The following CLSTN2 variants were observed in gnomAD, a reference collection of about 807,000 sequenced individuals.
CLSTN2 encodes the protein calsyntenin 2.
A neutral mutation model predicts 101.2 loss-of-function variants in CLSTN2; 48 were observed. The ratio of observed to expected loss-of-function variants is 0.47; its 90% confidence interval spans 0.38 to 0.60. CLSTN2 has a LOEUF of 0.60. Among genes scored for constraint, CLSTN2 ranks in the 20% least tolerant of loss-of-function variants. The pLI is 0.00. For missense variants in CLSTN2, 1,160 were observed against 1,238.2 expected (o/e 0.94, Z 0.95); for synonymous variants, 481 against 463.6 (o/e 1.04, Z -0.48).
chr3:140,120,553 G>C (rs966418309), intron 1 of CLSTN2, among the ~76,000 whole-genome samples: 1 of 152,190 alleles, frequency 6.6e-6, no homozygotes, highest in Non-Finnish European at 1.5e-5. Flanking sequence ...CCCCTCCCCA[G>C]AGGTTGGGGA....
intron 2 of CLSTN2, among the ~76,000 whole-genome samples, chr3:140,363,218 T>C (rs1280387899): frequency 6.6e-6 from 1 of 152,020 alleles, no homozygotes; most frequent in Admixed American, 6.6e-5. Context: ...ATAAAAGAAG[T>C]TAATCACAGT....
At chr3:140,280,216 G>C (rs975330765) in intron 2 of CLSTN2, among the ~76,000 whole-genome samples, 32 of 152,268 alleles carry the variant, frequency 2.1e-4, no homozygotes, top group African/African-American at 7.5e-4. Flanking sequence ...AATAATATGT[G>C]TGCAAAAAGA....
chr3:140,258,034 T>C (rs2086618541), intron 2 of CLSTN2, among the ~76,000 whole-genome samples: 1 of 152,214 alleles, frequency 6.6e-6, no homozygotes, highest in Admixed American at 6.5e-5. Flanking sequence ...TATTATTTTT[T>C]CTATCTTGGT....
At chr3:140,256,307 A>G (rs2086603682) in intron 2 of CLSTN2, among the ~76,000 whole-genome samples, 1 of 152,182 alleles carries the variant, frequency 6.6e-6, no homozygotes, top group African/African-American at 2.4e-5. Flanking sequence ...ACACTGCCCC[A>G]AAAAGCAACC....
At chr3:140,485,166 C>T (rs897512500) in intron 8 of CLSTN2, among the ~76,000 whole-genome samples, 6 of 152,194 alleles carry the variant, frequency 3.9e-5, no homozygotes, top group African/African-American at 1.4e-4. Context: ...GTTAGTTTTC[C>T]TTCTAACAGT....
chr3:140,219,075 C>T (rs2086236532), intron 2 of CLSTN2, among the ~76,000 whole-genome samples: 1 of 151,968 alleles, frequency 6.6e-6, no homozygotes, highest in African/African-American at 2.4e-5. Flanking sequence ...ACGCCCTGGT[C>T]CATTTGGGAG....
chr3:140,433,655 T>A (rs1482222815), intron 5 of CLSTN2, among the ~76,000 whole-genome samples: 1 of 152,206 alleles, frequency 6.6e-6, no homozygotes, highest in Non-Finnish European at 1.5e-5. Context: ...AGTGAACCTC[T>A]CAGAACCCTC....
intron 6 of CLSTN2, among the ~76,000 whole-genome samples, chr3:140,456,827 G>A (rs549878648): frequency 6.6e-6 from 1 of 151,816 alleles, no homozygotes; most frequent in South Asian, 2.1e-4. Context: ...AATAAATAAG[G>A]TTACATAAAT....
At chr3:140,076,410 C>A (rs1277563383) in intron 1 of CLSTN2, among the ~76,000 whole-genome samples, 1 of 152,116 alleles carries the variant, frequency 6.6e-6, no homozygotes, top group Non-Finnish European at 1.5e-5. Flanking sequence ...AAACTCCAGG[C>A]TCTGCTCATT....
At chr3:140,557,602 AGAG>A (rs954883175) in intron 11 of CLSTN2, among the ~76,000 whole-genome samples, 7 of 152,152 alleles carry the variant, frequency 4.6e-5, no homozygotes, top group African/African-American at 1.4e-4. Flanking sequence ...AAAACTGGGA[AGAG>A]GAGGAGGCCA....
chr3:140,013,767 T>C (rs2007137790), intron 1 of CLSTN2, among the ~76,000 whole-genome samples: 3 of 151,916 alleles, frequency 2.0e-5, no homozygotes, highest in African/African-American at 4.8e-5. Context: ...AATGTACTAG[T>C]TGAATATATA....
At chr3:140,399,839 G>A (rs1323589947) in intron 2 of CLSTN2, among the ~76,000 whole-genome samples, 2 of 152,020 alleles carry the variant, frequency 1.3e-5, no homozygotes, top group Admixed American at 6.6e-5. Context: ...TACCCAATAG[G>A]TAGTTTTCCT....
rs553144359 is a variant in CLSTN2, at chr3:140,566,933, G to A, written c.*680G>A. The A allele has an allele frequency of 6.6e-6, 1 of 152,530 alleles. No homozygotes were observed. Among genetic ancestry groups the A allele is most frequent in the South Asian group, 2.1e-4 (1 of 4,812 alleles). The allele number at this position is 152,530 out of a possible 1,614,324, so 9.4% of individuals were successfully genotyped here. A position where few individuals can be genotyped will look rare whatever the true frequency, so the allele number is the denominator to read the frequency against. ...AGAATAGGTCCTTGGCCACAAGCAG[G>A]GTCTGATCCCCCATCAGAGCTATCT... is the stretch of plus-strand genomic sequence containing the variant. On this transcript the variant is annotated 3_prime_UTR_variant, in exon 17 of 17. Coordinates refer to ENST00000458420, the MANE Select transcript of CLSTN2 (RefSeq NM_022131.3).
chr3:140,341,623 C>T lies in CLSTN2; in HGVS notation c.233-62006C>T, dbSNP rs185747918. Among the ~76,000 whole-genome samples, 1,263 of 152,306 alleles carry T rather than the reference C, an allele frequency of 8.3e-3. 8 individuals are homozygous for T. Among genetic ancestry groups the T allele is most frequent in the Non-Finnish European group, 0.012 (813 of 68,026 alleles). Reference sequence around the variant, plus strand: ...AGTTTGGAGGACAGTCGGCTTACACCTTCTTCCACTCAAAACACAGCACCC... The same window carrying T: ...AGTTTGGAGGACAGTCGGCTTACACTTTCTTCCACTCAAAACACAGCACCC... On this transcript the variant is annotated intron_variant, in intron 2 of 16. Transcript: ENST00000458420.
intron 1 of CLSTN2, among the ~76,000 whole-genome samples, chr3:139,946,428 A>G (rs937671060): frequency 1.2e-4 from 18 of 152,214 alleles, no homozygotes; most frequent in Non-Finnish European, 2.5e-4. Flanking sequence ...TTAGTGCCCC[A>G]TTCAACAACC....
At chr3:140,217,630 G>T (rs1458620614) in intron 2 of CLSTN2, among the ~76,000 whole-genome samples, 5 of 152,338 alleles carry the variant, frequency 3.3e-5, no homozygotes, top group South Asian at 2.1e-4. Context: ...AAATAGAAAT[G>T]GTTGCTGTCT....
At chr3:140,155,806 G>T (rs1392215687) in intron 1 of CLSTN2, among the ~76,000 whole-genome samples, 1 of 152,220 alleles carries the variant, frequency 6.6e-6, no homozygotes, top group East Asian at 1.9e-4. Flanking sequence ...GGAACAACCA[G>T]TAAGTCAAGG....
intron 8 of CLSTN2, among the ~76,000 whole-genome samples, chr3:140,529,043 G>T (rs349534): frequency 0.42 from 63,792 of 151,976 alleles, 16,064 homozygotes; most frequent in African/African-American, 0.7. Flanking sequence ...GGAAACCAAG[G>T]CAGAACTTCC....
chr3:140,131,329 C>CTAAGGTCATT (rs1447900413), intron 1 of CLSTN2, among the ~76,000 whole-genome samples: 4 of 151,656 alleles, frequency 2.6e-5, no homozygotes, highest in African/African-American at 9.7e-5. Context: ...CAATGATTCT[C>CTAAGGTCATT]TAAGGTCATT....
Sources: allele counts gnomAD v4.1 joint callset (sites outside exome capture counted in the v4.1 genomes callset), GRCh38; gene constraint gnomAD v4.1.1; transcripts MANE v1.5; gene names NCBI Gene and HGNC (gene_info 2026-07-23, HGNC 2026-07-21).